The following MAN2B2 variants were observed in gnomAD, a reference collection of about 807,000 sequenced individuals.
MAN2B2 encodes epididymis-specific alpha-mannosidase.
A neutral mutation model predicts 117.1 loss-of-function variants in MAN2B2; 106 were observed. The observed-to-expected ratio is 0.90, with a 90% CI of 0.77 to 1.06. The LOEUF (loss-of-function observed/expected upper bound fraction) is 1.06, where lower values mean the gene tolerates loss of function less well. Among genes scored for constraint, MAN2B2 ranks in the 50% least tolerant of loss-of-function variants. The pLI is 0.00. For synonymous variants in MAN2B2, 544 were observed against 595.1 expected, an observed-to-expected ratio of 0.91 and a Z score of 1.25; for missense variants, 1,326 against 1,381.4, an observed-to-expected ratio of 0.96 and a Z score of 0.64.
rs1321920319 is a variant in MAN2B2 at position 6,621,243 on chromosome 4, A to T, written c.2988A>T (p.Pro996=). 5.0e-6 allele frequency: 8 copies of T among 1,614,074 alleles called. No individual in the cohort carries two copies. Among genetic ancestry groups the T allele is most frequent in the Non-Finnish European group, 5.9e-6 (7 of 1,179,992 alleles). Residue 996 remains proline (P), a synonymous_variant, in exon 19 of 19, where the codon CCA becomes CCT. Transcript: ENST00000285599. Reference sequence around the variant, plus strand: ...GAGGCCCCATCATCACCGTCCACCCAAAGGAAATCCGGACGTTCTTTATTC... The same window carrying T: ...GAGGCCCCATCATCACCGTCCACCCTAAGGAAATCCGGACGTTCTTTATTC... ...PPGGPIITVH[P]KEIRTFFIHF...
At position 6,604,289 on chromosome 4, in the gene MAN2B2, G is replaced by A. The variant is rs77274588; in HGVS notation, c.1540-766G>A. Among the ~76,000 whole-genome samples the A allele has an allele frequency of 7.3e-3, 1,110 of 152,286 alleles. 15 individuals carry two copies. The highest frequency in any genetic ancestry group is 0.026 in the African/African-American group (1,066 of 41,542). On this transcript the variant is annotated intron_variant, in intron 10 of 18. Coordinates refer to ENST00000285599, the MANE Select transcript of MAN2B2 (RefSeq NM_015274.3). ...AAAAGCTTGCTTTGGTTGCTGCAGT[G>A]GATGGGTTGGTAGGCACAGGAGTGG...
intron 7 of MAN2B2, among the ~76,000 whole-genome samples, chr4:6,596,187 G>GTGT (rs1727078227): frequency 1.4e-5 from 2 of 144,586 alleles, no homozygotes; most frequent in Non-Finnish European, 3.0e-5. Flanking sequence ...GGTGGGCGTG[G>GTGT]CGTCCAGGTG....
intron 3 of MAN2B2, among the ~76,000 whole-genome samples, chr4:6,582,755 A>C (rs1327871380): frequency 3.3e-5 from 5 of 152,146 alleles, no homozygotes; most frequent in Non-Finnish European, 7.4e-5. Flanking sequence ...AACATCATAA[A>C]GCAAGACCCT....
In MAN2B2 at chr4:6,593,260, A is replaced by T. The variant is rs1247249082; in HGVS notation, c.768A>T (p.Pro256=). ...CCAACATGAGTGAGCCTGTCACCCC[A>T]GCCAACATCAACCTCTATGCCGAGG... ...VYPNMSEPVT[P]ANINLYAEAL... Residue 256 remains proline, a synonymous_variant, in exon 6 of 19, where the codon CCA becomes CCT. Transcript: ENST00000285599. 1.2e-6 allele frequency: 2 copies of T among 1,613,900 alleles called. No individual in the cohort carries two copies. Among genetic ancestry groups the T allele is most frequent in the Non-Finnish European group, 1.7e-6 (2 of 1,179,952 alleles).
At chr4:6,611,406 C>A in intron 15 of MAN2B2, 128 bp downstream of exon 15, 1 of 918,364 alleles carries the variant, frequency 1.1e-6, no homozygotes, top group Non-Finnish European at 1.6e-6. Flanking sequence ...ACCTCAGGGA[C>A]CTCTAGCCCA....
intron 3 of MAN2B2, among the ~76,000 whole-genome samples, chr4:6,579,430 A>C: frequency 8.3e-6 from 1 of 121,052 alleles, no homozygotes; most frequent in Non-Finnish European, 1.7e-5. Context: ...CACCACCATC[A>C]CCACCACCCT....
chr4:6,579,256 TCACCAC>T (rs1560634839), intron 3 of MAN2B2, among the ~76,000 whole-genome samples: 1 of 7,896 alleles, frequency 1.3e-4, no homozygotes, highest in Non-Finnish European at 3.0e-4. Context: ...TTCACCACCA[TCACCAC>T]CACCACCATC....
chr4:6,579,877 C>T (rs995341888), intron 3 of MAN2B2, among the ~76,000 whole-genome samples: 2 of 152,190 alleles, frequency 1.3e-5, no homozygotes, highest in African/African-American at 2.4e-5. Context: ...TAATGGCGGG[C>T]TGATGGTGAG....
At chr4:6,611,975 A>G (rs1387097458) in intron 15 of MAN2B2, among the ~76,000 whole-genome samples, 1 of 152,238 alleles carries the variant, frequency 6.6e-6, no homozygotes, top group Middle Eastern at 3.2e-3. Flanking sequence ...GAGAAACATT[A>G]AACAATGATT....
intron 8 of MAN2B2, 142 bp from the exon 9 acceptor site, chr4:6,598,056 C>T (rs1375884075): frequency 3.5e-6 from 3 of 860,316 alleles, no homozygotes; most frequent in Non-Finnish European, 1.8e-6. Context: ...GTTCCTCCTT[C>T]TGTAAAATGG....
rs115602516 is a variant in MAN2B2, at chr4:6,604,104, G to C, written c.1540-951G>C. On this transcript the variant is annotated intron_variant, in intron 10 of 18. Transcript: ENST00000285599. Reference sequence around the variant, plus strand: ...AGGTAGTCCAGGTGGAGGGCACAGCGTGGCACAGGCTCAGAGGCAGGAAAC... The same window carrying C: ...AGGTAGTCCAGGTGGAGGGCACAGCCTGGCACAGGCTCAGAGGCAGGAAAC... Among the ~76,000 whole-genome samples, 55 of 152,292 alleles carry C rather than the reference G, an allele frequency of 3.6e-4. No homozygotes were observed. The South Asian group carries it at 0.011, about 29-fold the overall frequency.
At chr4:6,593,092 G>T in intron 5 of MAN2B2, 81 bp from the exon 6 acceptor site, 1 of 1,364,798 alleles carries the variant, frequency 7.3e-7, no homozygotes. Context: ...TCCCAAGGCT[G>T]GGAGAACATG....
intron 5 of MAN2B2, among the ~76,000 whole-genome samples, chr4:6,591,178 G>T (rs561272715): frequency 3.9e-4 from 59 of 152,098 alleles, no homozygotes; most frequent in Non-Finnish European, 7.5e-4. Context: ...GGAGGAGTGG[G>T]AGAGGGAAGG....
intron 4 of MAN2B2, 84 bp from the exon 5 acceptor site, chr4:6,588,961 G>T (rs953301943): frequency 3.1e-6 from 3 of 975,902 alleles, no homozygotes; most frequent in Non-Finnish European, 4.9e-6. Context: ...AGGGCAGGCG[G>T]GAGACACCCA....
At chr4:6,618,319 A>G (rs1290171004) in intron 17 of MAN2B2, 2 of 152,254 alleles carry the variant, frequency 1.3e-5, no homozygotes, top group Non-Finnish European at 2.9e-5. Context: ...CTTTTAAAAC[A>G]CAGACAACAT....
chr4:6,589,517 A>T (rs897621724), intron 5 of MAN2B2, among the ~76,000 whole-genome samples: 10 of 152,206 alleles, frequency 6.6e-5, no homozygotes, highest in African/African-American at 1.9e-4. Flanking sequence ...CTAGGATTAT[A>T]GGCATGAGCC....
intron 3 of MAN2B2, among the ~76,000 whole-genome samples, chr4:6,580,303 A>G (rs1454087807): frequency 6.6e-6 from 1 of 152,120 alleles, no homozygotes; most frequent in Admixed American, 6.5e-5. Flanking sequence ...CAGAGGTAAC[A>G]GGGGAGGACA....
chr4:6,611,284 G>C lies in MAN2B2; in HGVS notation c.2563+6G>C. On this transcript the variant is annotated splice_donor_region_variant and intron_variant, in intron 15 of 18. Coordinates refer to ENST00000285599, the MANE Select transcript of MAN2B2 (RefSeq NM_015274.3). The stretch of plus-strand genomic sequence containing the variant: ...GCTGTTCGGAGACCTCGCTGGTAAA[G>C]GGGCACCCTTTCAGAGTAACATCAT... The C allele has an allele frequency of 1.9e-6, 3 of 1,590,804 alleles. No individual in the cohort carries two copies. Among genetic ancestry groups the C allele is most frequent in the Non-Finnish European group, 2.6e-6 (3 of 1,168,076 alleles).
At chr4:6,621,128 G>C (rs1489276574) in intron 18 of MAN2B2, 60 bp from the exon 19 acceptor site, 3 of 1,243,946 alleles carry the variant, frequency 2.4e-6, no homozygotes, top group African/African-American at 2.9e-5. Flanking sequence ...CAGGGGGTGA[G>C]AGGGAGGCTG....
Sources: gnomAD v4.1 joint callset for allele counts (sites outside exome capture counted in the v4.1 genomes callset) on GRCh38, gnomAD v4.1.1 for gene constraint, MANE v1.5 for transcripts, NCBI Gene and HGNC (gene_info 2026-07-23, HGNC 2026-07-21) for gene names.